The following SPTBN1 variants were observed in gnomAD, a reference collection of about 807,000 sequenced individuals.
The protein encoded by SPTBN1 is spectrin beta chain, non-erythrocytic 1.
SPTBN1 carries 32 observed loss-of-function variants against 266.4 expected under a neutral mutation model. The ratio of observed to expected loss-of-function variants is 0.12; its 90% CI spans 0.09 to 0.16. The LOEUF is 0.16. Ranked by LOEUF, SPTBN1 falls within the 10% of genes least tolerant of loss-of-function variation. SPTBN1 has a pLI of 1.00. For synonymous variants in SPTBN1, 1,336 were observed against 1,162.2 expected (o/e 1.15, Z -3.04); for missense variants, 2,296 against 3,067.1 (o/e 0.75, Z 5.94).
chr2:54,464,929 T>A (rs139103761), intron 1 of SPTBN1, among the ~76,000 whole-genome samples: 3 of 152,170 alleles, frequency 2.0e-5, no homozygotes, highest in East Asian at 1.9e-4. Flanking sequence ...TGAACTCAAG[T>A]GATCTGCCTG....
In SPTBN1 at chr2:54,624,613, A is replaced by C. The variant is rs543647323; in HGVS notation, c.1183-191A>C. 9.8e-5 allele frequency among the ~76,000 whole-genome samples: 15 copies of C among 152,300 alleles called. No individual in the cohort carries two copies. The East Asian group carries it at 2.9e-3, about 29-fold the overall frequency. ...ATTTAGATGACGGAAGAGTGTTCCC[A>C]TGAGGATACACTGAGAGAAAAACCC... On this transcript the variant is annotated intron_variant, in intron 10 of 35. Coordinates refer to ENST00000356805, the MANE Select transcript of SPTBN1 (RefSeq NM_003128.3).
At chr2:54,640,823 A>G (rs1287187437) in intron 18 of SPTBN1, among the ~76,000 whole-genome samples, 1 of 152,248 alleles carries the variant, frequency 6.6e-6, no homozygotes, top group Admixed American at 6.5e-5. Flanking sequence ...AAGTGCTGGG[A>G]TTACAGGTGT....
chr2:54,666,355 C>G (rs892284270), intron 34 of SPTBN1, among the ~76,000 whole-genome samples: 1 of 152,224 alleles, frequency 6.6e-6, no homozygotes, highest in African/African-American at 2.4e-5. Context: ...CAGGCACTTA[C>G]TGTTCCCTAA....
rs1199825235 is a variant in SPTBN1 at position 54,540,020 on chromosome 2, G to T, written c.148+13454G>T. On this transcript the variant is annotated intron_variant, in intron 2 of 35. Coordinates refer to ENST00000356805, the MANE Select transcript of SPTBN1 (RefSeq NM_003128.3). This position sits in a 1 kb window ranked among gnomAD's most constrained non-coding sequence, Gnocchi z 5.6. Reference sequence around the variant, plus strand: ...TTCATGTCCGTATAAAGTAGACATGGGAAATGATCTTTCTCCCTACCATGT... The same window carrying T: ...TTCATGTCCGTATAAAGTAGACATGTGAAATGATCTTTCTCCCTACCATGT... Among the ~76,000 whole-genome samples the T allele has an allele frequency of 6.6e-6, 1 of 152,126 alleles. No individual in the cohort carries two copies. Among genetic ancestry groups the T allele is most frequent in the Non-Finnish European group, 1.5e-5 (1 of 68,028 alleles).
rs150768654 is a variant in SPTBN1, at chr2:54,483,424, C to T, written c.-48+26906C>T. 5.5e-4 allele frequency among the ~76,000 whole-genome samples: 84 copies of T among 152,242 alleles called. 2 individuals carry two copies. The highest frequency in any genetic ancestry group is 1.8e-3 in the African/African-American group (76 of 41,526). On this transcript the variant is annotated intron_variant, in intron 1 of 35. Coordinates refer to ENST00000356805, the MANE Select transcript of SPTBN1 (RefSeq NM_003128.3). Reference sequence around the variant, plus strand: ...AACATGAAGTGTATACCAAAGGATGCGGATTTTCTACCCGTTGCTTCCCTC... The same window carrying T: ...AACATGAAGTGTATACCAAAGGATGTGGATTTTCTACCCGTTGCTTCCCTC...
chr2:54,593,214 G>C (rs928425482), intron 2 of SPTBN1, among the ~76,000 whole-genome samples: 1 of 151,986 alleles, frequency 6.6e-6, no homozygotes, highest in Non-Finnish European at 1.5e-5. Flanking sequence ...GGCTGAGCTG[G>C]TTGGGTCTTC....
intron 1 of SPTBN1, among the ~76,000 whole-genome samples, chr2:54,466,993 C>G (rs7573223): frequency 0.22 from 33,695 of 151,946 alleles, 4,066 homozygotes; most frequent in African/African-American, 0.31. Context: ...GGGAAAAGCT[C>G]TAAGAACTGG....
intron 2 of SPTBN1, among the ~76,000 whole-genome samples, chr2:54,579,470 C>A (rs1010096723): frequency 6.6e-6 from 1 of 152,176 alleles, no homozygotes; most frequent in Non-Finnish European, 1.5e-5. Context: ...GACCGTGGCC[C>A]CCAATGAGGG....
intron 27 of SPTBN1, among the ~76,000 whole-genome samples, chr2:54,654,311 A>G (rs542921012): frequency 6.6e-6 from 1 of 152,240 alleles, no homozygotes; most frequent in South Asian, 2.1e-4. Flanking sequence ...CACCCTCAAC[A>G]TCTGCTTTAA....
chr2:54,570,091 A>G (rs980647337), intron 2 of SPTBN1, among the ~76,000 whole-genome samples: 5 of 151,730 alleles, frequency 3.3e-5, no homozygotes, highest in South Asian at 2.1e-4. Flanking sequence ...TGGAGCAGCT[A>G]TTGCTGCAGC....
chr2:54,459,586 G>A (rs555168563), intron 1 of SPTBN1, among the ~76,000 whole-genome samples: 1 of 145,856 alleles, frequency 6.9e-6, no homozygotes, highest in Admixed American at 6.7e-5. Flanking sequence ...TATTCTTATA[G>A]AACATTTTAA....
chr2:54,464,307 T>C (rs1481694063), intron 1 of SPTBN1, among the ~76,000 whole-genome samples: 1 of 152,216 alleles, frequency 6.6e-6, no homozygotes, highest in Admixed American at 6.5e-5. Flanking sequence ...AAATAAATTA[T>C]GGCGCAACTG....
chr2:54,461,151 T>A (rs1044378619), intron 1 of SPTBN1, among the ~76,000 whole-genome samples: 2 of 152,212 alleles, frequency 1.3e-5, no homozygotes, highest in African/African-American at 4.8e-5. Flanking sequence ...TCTCTATGGT[T>A]TATCCTTTTT....
At chr2:54,488,252 A>G (rs1051956265) in intron 1 of SPTBN1, among the ~76,000 whole-genome samples, 1 of 151,980 alleles carries the variant, frequency 6.6e-6, no homozygotes, top group African/African-American at 2.4e-5. Context: ...TCATGCCTCA[A>G]TTTTCAAATG....
intron 1 of SPTBN1, among the ~76,000 whole-genome samples, chr2:54,487,830 G>GTTTTTTTTTTTTTTTTTTTTTT (rs1558770807): frequency 1.0e-3 from 6 of 5,938 alleles, no homozygotes; most frequent in Non-Finnish European, 1.8e-3. Flanking sequence ...CTCCTCCTGT[G>GTTTTTTTTTTTTTTTTTTTTTT]TCTTTTTTTT....
In SPTBN1 at chr2:54,634,991, T is replaced by A. The variant is rs1572721838; in HGVS notation, c.3767+2223T>A. Reference sequence around the variant, plus strand: ...GAGCAAGGAACAGTATCCAGCTTCATAAAGCAAGACCCTGTCTCACACCGG... The same window carrying A: ...GAGCAAGGAACAGTATCCAGCTTCAAAAAGCAAGACCCTGTCTCACACCGG... On this transcript the variant is annotated intron_variant, in intron 17 of 35. Coordinates refer to ENST00000356805, the MANE Select transcript of SPTBN1 (RefSeq NM_003128.3). Among the ~76,000 whole-genome samples, 4 of 152,340 alleles carry A rather than the reference T, an allele frequency of 2.6e-5. No individual in the cohort carries two copies. In the Middle Eastern group the frequency reaches 0.014, roughly 518 times the overall value.
rs150847308 is a variant in SPTBN1, at chr2:54,645,996, G to A, written c.4563G>A (p.Gln1521=). 1 of 1,614,210 alleles carries A rather than the reference G, an allele frequency of 6.2e-7. No homozygotes were observed. Among genetic ancestry groups the A allele is most frequent in the East Asian group, 2.2e-5 (1 of 44,884 alleles). The change falls in exon 22 of 36, where the codon CAG becomes CAA. Residue 1521 remains glutamine, a synonymous_variant. Coordinates refer to ENST00000356805, the MANE Select transcript of SPTBN1 (RefSeq NM_003128.3). The surrounding 1 kb of genome is among the most constrained non-coding windows in gnomAD (Gnocchi z 4.3). ...ATGGCCACAACCTCCAGACTGTGCAGCTGTTAATAAAGAAAAATCAGGTAA... is the reference window on the plus strand; with the variant it reads ...ATGGCCACAACCTCCAGACTGTGCAACTGTTAATAAAGAAAAATCAGGTAA... ...TDHGHNLQTV[Q]LLIKKNQTLQ...
intron 35 of SPTBN1, among the ~76,000 whole-genome samples, chr2:54,667,945 C>A (rs1358129686): frequency 2.0e-5 from 3 of 152,170 alleles, no homozygotes; most frequent in Admixed American, 6.5e-5. Context: ...CATGATGGGA[C>A]CCCCGCTGCA....
chr2:54,567,816 G>T (rs767634826), intron 2 of SPTBN1, among the ~76,000 whole-genome samples: 13 of 152,166 alleles, frequency 8.5e-5, no homozygotes, highest in African/African-American at 1.2e-4. Context: ...TAGTCTGACT[G>T]CTGGTATGAT....
Sources: allele counts gnomAD v4.1 joint callset (sites outside exome capture counted in the v4.1 genomes callset), GRCh38; gene constraint gnomAD v4.1.1; non-coding constraint Gnocchi (gnomAD v3.1); transcripts MANE v1.5; gene names NCBI Gene and HGNC (gene_info 2026-07-23, HGNC 2026-07-21).